Variants in SYNPO2 observed in about 807,000 individuals in gnomAD.
SYNPO2 encodes synaptopodin 2, also known as synaptopodin-2.
A neutral mutation model predicts 85.0 loss-of-function variants in SYNPO2; 56 were observed. That is an observed-to-expected ratio of 0.66 (90% confidence interval 0.53 to 0.82). SYNPO2 has a LOEUF of 0.82. SYNPO2 is among the 40% of genes least tolerant of loss of function. The pLI, the probability that SYNPO2 is intolerant of heterozygous loss-of-function variation, is 0.00. For synonymous variants in SYNPO2, 602 were observed against 591.1 expected (o/e 1.02, Z -0.27); for missense variants, 1,575 against 1,534.2 (o/e 1.03, Z -0.44).
intron 1 of SYNPO2, among the ~76,000 whole-genome samples, chr4:118,984,910 G>T (rs113576732): frequency 1.3e-5 from 2 of 152,208 alleles, no homozygotes; most frequent in African/African-American, 2.4e-5. Flanking sequence ...AATTAGAACT[G>T]TTTGGATATG....
intron 4 of SYNPO2, among the ~76,000 whole-genome samples, chr4:119,038,696 T>C (rs558982780): frequency 2.6e-5 from 4 of 152,288 alleles, no homozygotes; most frequent in African/African-American, 9.6e-5. Context: ...GTTTTCAGTA[T>C]TTCAGACTAC....
intron 1 of SYNPO2, among the ~76,000 whole-genome samples, chr4:118,897,552 G>T (rs1404983283): frequency 6.6e-6 from 1 of 151,922 alleles, no homozygotes; most frequent in Non-Finnish European, 1.5e-5. Context: ...ATATCTTGTC[G>T]CCTTTAATAG....
intron 1 of SYNPO2, among the ~76,000 whole-genome samples, chr4:118,909,095 A>G (rs1445935185): frequency 2.0e-5 from 3 of 152,022 alleles, no homozygotes; most frequent in Non-Finnish European, 4.4e-5. Flanking sequence ...CATGGGAGTG[A>G]CTCTGCAATG....
intron 1 of SYNPO2, among the ~76,000 whole-genome samples, chr4:118,933,295 G>A (rs975831857): frequency 7.2e-5 from 11 of 152,184 alleles, no homozygotes; most frequent in Non-Finnish European, 1.2e-4. Flanking sequence ...AGTGCCATAT[G>A]TAGGAAATGA....
chr4:119,040,892 C>T (rs933948504), intron 4 of SYNPO2, among the ~76,000 whole-genome samples: 1 of 152,214 alleles, frequency 6.6e-6, no homozygotes, highest in Non-Finnish European at 1.5e-5. Flanking sequence ...GGGTCAGCAA[C>T]CTGGCCTTTT....
At chr4:118,982,540 G>A (rs774788604) in intron 1 of SYNPO2, among the ~76,000 whole-genome samples, 1 of 152,182 alleles carries the variant, frequency 6.6e-6, no homozygotes, top group Non-Finnish European at 1.5e-5. Context: ...ATGCCCCTCT[G>A]TACTTGGAGA....
In SYNPO2 at chr4:118,928,676, T is replaced by C. The variant is rs528514541; in HGVS notation, c.105+39535T>C. The stretch of plus-strand genomic sequence containing the variant: ...TAACCCTCTTTTATTTACTCCTTTA[T>C]TTTATAAATGCCTGGTGAAGGAGGT... On this transcript the variant is annotated intron_variant, in intron 1 of 4. Transcript: ENST00000307142. Among the ~76,000 whole-genome samples, 5 of 152,316 alleles carry C rather than the reference T, an allele frequency of 3.3e-5. No homozygotes were observed. In the East Asian group the frequency reaches 9.6e-4, roughly 29 times the overall value.
chr4:118,903,083 T>C (rs1384435881), intron 1 of SYNPO2, among the ~76,000 whole-genome samples: 3 of 152,292 alleles, frequency 2.0e-5, no homozygotes, highest in Admixed American at 6.5e-5. Flanking sequence ...TAAGGTACTA[T>C]GTAACGAAAT....
intron 1 of SYNPO2, among the ~76,000 whole-genome samples, chr4:118,995,822 G>C (rs1736563628): frequency 6.6e-6 from 1 of 151,994 alleles, no homozygotes; most frequent in Non-Finnish European, 1.5e-5. Context: ...TTTTCCAAAT[G>C]CTGTCTTTCA....
chr4:118,866,557 GT>G (rs1731702486), intron 1 of SYNPO2, among the ~76,000 whole-genome samples: 1 of 152,214 alleles, frequency 6.6e-6, no homozygotes, highest in Non-Finnish European at 1.5e-5. Context: ...CTTTGTGGGA[GT>G]TTTTATTTCT....
intron 1 of SYNPO2, among the ~76,000 whole-genome samples, chr4:118,890,190 T>G (rs899534680): frequency 6.6e-6 from 1 of 151,988 alleles, no homozygotes; most frequent in Non-Finnish European, 1.5e-5. Flanking sequence ...TAGTGTCCTT[T>G]GCGAAGAAAG....
chr4:118,852,193 A>G (rs1244081253), intron 1 of SYNPO2, among the ~76,000 whole-genome samples: 1 of 152,236 alleles, frequency 6.6e-6, no homozygotes, highest in African/African-American at 2.4e-5. Context: ...ACTAGTCAGA[A>G]TGGCTGTTGT....
chr4:118,879,578 T>G (rs1732031835), intron 1 of SYNPO2, among the ~76,000 whole-genome samples: 1 of 152,146 alleles, frequency 6.6e-6, no homozygotes, highest in Non-Finnish European at 1.5e-5. Context: ...CTAGCAGCCC[T>G]TTGATCTTAG....
chr4:118,907,052 C>T (rs1549535), intron 1 of SYNPO2, among the ~76,000 whole-genome samples: 125,651 of 151,890 alleles, frequency 0.83, 52,158 homozygotes, highest in Middle Eastern at 0.93. Context: ...TAGTTTCAAG[C>T]TATTCTCCCA....
intron 1 of SYNPO2, among the ~76,000 whole-genome samples, chr4:118,900,288 T>G (rs1732677856): frequency 6.6e-6 from 1 of 152,184 alleles, no homozygotes; most frequent in Admixed American, 6.5e-5. Flanking sequence ...CTAAAATATA[T>G]GTCAGGTGAC....
intron 4 of SYNPO2, among the ~76,000 whole-genome samples, chr4:119,041,810 A>C (rs1307070628): frequency 6.6e-6 from 1 of 152,136 alleles, no homozygotes; most frequent in Non-Finnish European, 1.5e-5. Flanking sequence ...CCTAGTGTAA[A>C]ATTAAGATTT....
intron 1 of SYNPO2, among the ~76,000 whole-genome samples, chr4:118,951,244 G>C (rs1413075995): frequency 6.6e-6 from 1 of 152,168 alleles, no homozygotes; most frequent in Non-Finnish European, 1.5e-5. Context: ...GCAGGTATCT[G>C]TCTGGGGAGG....
intron 3 of SYNPO2, among the ~76,000 whole-genome samples, 157 bp from the exon 4 acceptor site, chr4:119,029,688 A>T (rs1738127891): frequency 6.6e-6 from 1 of 152,196 alleles, no homozygotes; most frequent in Non-Finnish European, 1.5e-5. Context: ...TAAGAGAAAT[A>T]AGAAAAAGAA....
chr4:119,007,253 C>CATATAT lies in SYNPO2; in HGVS notation c.106-16160_106-16155dup, dbSNP rs59327133. Among the ~76,000 whole-genome samples, 230 of 38,100 alleles carry CATATAT rather than the reference C, an allele frequency of 6.0e-3. 11 individuals are homozygous for CATATAT. The highest frequency in any genetic ancestry group is 0.018 in the Middle Eastern group (1 of 56). 25.0% of individuals were successfully genotyped at this position (38,100 alleles called of 152,430 possible). On this transcript the variant is annotated intron_variant, in intron 1 of 4. Coordinates refer to ENST00000307142, the MANE Select transcript of SYNPO2 (RefSeq NM_133477.3). The stretch of plus-strand genomic sequence containing the variant: ...ATATATATATATATATATGTATATA[C>CATATAT]ATATATATATATATATATATATGTA...
Sources: allele counts gnomAD v4.1 joint callset (sites outside exome capture counted in the v4.1 genomes callset), GRCh38; gene constraint gnomAD v4.1.1; transcripts MANE v1.5; gene names NCBI Gene and HGNC (gene_info 2026-07-23, HGNC 2026-07-21).